The following SLC38A8 variants were observed in gnomAD, a reference collection of about 807,000 sequenced individuals.
SLC38A8 encodes the protein amino acid transporter SLC38A8.
A neutral mutation model predicts 46.0 loss-of-function variants in SLC38A8; 65 were observed. The ratio of observed to expected loss-of-function variants is 1.41; its 90% CI spans 1.16 to 1.74. The LOEUF (loss-of-function observed/expected upper bound fraction) is 1.74. Ranked by LOEUF, SLC38A8 falls within the 40% of genes most tolerant of loss-of-function variation. The pLI, the probability that SLC38A8 is intolerant of heterozygous loss-of-function variation, is 0.00. For synonymous variants in SLC38A8, 447 were observed against 243.7 expected, an observed-to-expected ratio of 1.83 and a Z score of -7.77; for missense variants, 998 against 567.9, an observed-to-expected ratio of 1.76 and a Z score of -7.70.
chr16:84,014,771 C>T (rs958979222), intron 9 of SLC38A8, among the ~76,000 whole-genome samples: 3 of 152,220 alleles, frequency 2.0e-5, no homozygotes, highest in Admixed American at 1.3e-4. Context: ...AAGACAACCC[C>T]TGAATCTTAA....
intron 5 of SLC38A8, 43 bp downstream of exon 5, chr16:84,031,824 G>A: frequency 1.3e-6 from 2 of 1,547,514 alleles, no homozygotes; most frequent in Non-Finnish European, 1.8e-6. Flanking sequence ...CCCCTGCCGT[G>A]CCTCCCCGCC....
rs1246299742 is a variant in SLC38A8 at position 84,022,804 on chromosome 16, A to G, written c.776T>C (p.Leu259Pro). The change falls in exon 7 of 11, where the codon CTG becomes CCG. Residue 259 changes from leucine to proline, a missense_variant. Leu to Pro is a moderately conservative substitution (Grantham distance 98). Transcript: ENST00000299709. ...HWALVSVLSL[L>P]ACCLIYSLTG... ...CAGTGAATAGATGAGGCAGCAGGCC[A>G]GCAAGGACAGCACAGACACCAGGGC... 1.1e-5 allele frequency: 17 copies of G among 1,614,056 alleles called. No individual in the cohort carries two copies. The highest frequency in any genetic ancestry group is 1.4e-5 in the Non-Finnish European group (16 of 1,180,028).
chr16:84,025,024 G>A (rs1404920810), intron 6 of SLC38A8, among the ~76,000 whole-genome samples: 1 of 152,118 alleles, frequency 6.6e-6, no homozygotes, highest in Non-Finnish European at 1.5e-5. Context: ...AATGCCAAGA[G>A]CCCATGAGTC....
chr16:84,015,728 G>A (rs1307739052), intron 9 of SLC38A8, among the ~76,000 whole-genome samples: 1 of 152,124 alleles, frequency 6.6e-6, no homozygotes. Context: ...TGTTTGAGAT[G>A]GAGTTTCACT....
chr16:84,033,345 G>A lies in SLC38A8; in HGVS notation c.513C>T (p.Ala171=), dbSNP rs375881219. ...GCCCTTACCTTGTGTATTTCTGGAA[G>A]GCGATCTCCCGCGGGGCAGACAGGG... ...ILPLSAPREI[A]FQKYTSILGT... Residue 171 remains alanine (A), a synonymous_variant, in exon 4 of 11, where the codon GCC becomes GCT. Transcript: ENST00000299709. The A allele has an allele frequency of 5.0e-6, 8 of 1,614,064 alleles. No individual in the cohort carries two copies. The African/African-American group carries it at 5.3e-5, about 11-fold the overall frequency.
chr16:84,014,367 C>T (rs1271630094), intron 9 of SLC38A8, among the ~76,000 whole-genome samples: 2 of 149,972 alleles, frequency 1.3e-5, no homozygotes, highest in Non-Finnish European at 3.0e-5. Flanking sequence ...AGGGAGGAGT[C>T]GTGTGGCCAC....
intron 6 of SLC38A8, among the ~76,000 whole-genome samples, chr16:84,023,834 C>T (rs1162195142): frequency 6.6e-6 from 1 of 152,224 alleles, no homozygotes; most frequent in Non-Finnish European, 1.5e-5. Flanking sequence ...GCGGAGGTTG[C>T]AGTGAGCCAA....
At chr16:84,013,561 G>A (rs1451496103) in intron 9 of SLC38A8, among the ~76,000 whole-genome samples, 1 of 150,456 alleles carries the variant, frequency 6.6e-6, no homozygotes, top group Non-Finnish European at 1.5e-5. Flanking sequence ...CTCCCGAGTA[G>A]CTGGGACTAC....
chr16:84,012,028 G>A (rs2084960457), intron 10 of SLC38A8, among the ~76,000 whole-genome samples: 1 of 152,220 alleles, frequency 6.6e-6, no homozygotes, highest in Non-Finnish European at 1.5e-5. Flanking sequence ...GGCGCCTTCA[G>A]AGAGTCCAGC....
At chr16:84,042,468 T>G in intron 1 of SLC38A8, 83 bp downstream of exon 1, 1 of 245,706 alleles carries the variant, frequency 4.1e-6, no homozygotes. Context: ...TCCCCATCAA[T>G]CCTCTCTCCC....
chr16:84,022,706 T>C (rs2085108700), intron 7 of SLC38A8, 69 bp downstream of exon 7: 1 of 1,171,036 alleles, frequency 8.5e-7, no homozygotes, highest in Admixed American at 1.9e-5. Flanking sequence ...TCTAGAGAGA[T>C]ACTCGCTGTT....
intron 6 of SLC38A8, among the ~76,000 whole-genome samples, chr16:84,026,634 GAC>G (rs2085167847): frequency 6.6e-6 from 1 of 152,192 alleles, no homozygotes; most frequent in Non-Finnish European, 1.5e-5. Context: ...ACAGGAAGAC[GAC>G]ACAGTGGCCA....
intron 2 of SLC38A8, among the ~76,000 whole-genome samples, chr16:84,039,158 G>A (rs1479044107): frequency 6.6e-6 from 1 of 152,148 alleles, no homozygotes; most frequent in Non-Finnish European, 1.5e-5. Context: ...GAGCCACCAG[G>A]AGCTCGAAGA....
chr16:84,037,806 A>ATTTTTTTTTTT lies in SLC38A8; in HGVS notation c.190-917_190-907dup, dbSNP rs376247461. On this transcript the variant is annotated intron_variant, in intron 2 of 10. Coordinates refer to ENST00000299709, the MANE Select transcript of SLC38A8 (RefSeq NM_001080442.3). The stretch of plus-strand genomic sequence containing the variant: ...AAAACATCCCTCTATTTCAGCTTCA[A>ATTTTTTTTTTT]TTTTTTTTTTTTTTTTTTTGGAGAC... Among the ~76,000 whole-genome samples, 63 of 102,242 alleles carry ATTTTTTTTTTT rather than the reference A, an allele frequency of 6.2e-4. 1 individual carries two copies. The East Asian group carries it at 7.5e-3, about 12-fold the overall frequency. 67.1% of individuals were successfully genotyped at this position (102,242 alleles called of 152,430 possible).
At chr16:84,011,457 G>A (rs1052654687) in intron 10 of SLC38A8, among the ~76,000 whole-genome samples, 1 of 152,164 alleles carries the variant, frequency 6.6e-6, no homozygotes, top group African/African-American at 2.4e-5. Context: ...CTGCTCCTTT[G>A]CAAAAACCAA....
At chr16:84,030,543 A>AGGTC (rs2085225649) in intron 5 of SLC38A8, among the ~76,000 whole-genome samples, 1 of 152,058 alleles carries the variant, frequency 6.6e-6, no homozygotes, top group South Asian at 2.1e-4. Context: ...AGATGTCTCC[A>AGGTC]GGTCGGCTCT....
chr16:84,022,206 G>A (rs189174692), intron 7 of SLC38A8, among the ~76,000 whole-genome samples: 152 of 152,320 alleles, frequency 1.0e-3, no homozygotes, highest in Middle Eastern at 3.4e-3. Context: ...TGGAGGATAC[G>A]TTGGTGAATG....
chr16:84,011,922 C>T (rs372782380), intron 10 of SLC38A8, among the ~76,000 whole-genome samples: 5 of 152,094 alleles, frequency 3.3e-5, no homozygotes, highest in East Asian at 1.9e-4. Flanking sequence ...ATTTCTGAGA[C>T]GCAGAGACAC....
At chr16:84,027,832 G>A (rs896043824) in intron 6 of SLC38A8, among the ~76,000 whole-genome samples, 14 of 152,298 alleles carry the variant, frequency 9.2e-5, no homozygotes, top group South Asian at 4.1e-4. Flanking sequence ...AGGCGGCCCC[G>A]GCGTAGGTCT....
Sources: gnomAD v4.1 joint callset for allele counts (sites outside exome capture counted in the v4.1 genomes callset) on GRCh38, gnomAD v4.1.1 for gene constraint, MANE v1.5 for transcripts, NCBI Gene and HGNC (gene_info 2026-07-23, HGNC 2026-07-21) for gene names.